MROH7: variants seen among roughly 807,000 people sequenced by gnomAD.
MROH7 encodes the protein maestro heat-like repeat-containing protein family member 7.
In MROH7, 113 loss-of-function variants were observed where a neutral mutation model predicts 129.2. The ratio of observed to expected loss-of-function variants is 0.87; its 90% CI spans 0.75 to 1.02. The LOEUF is 1.02. Among genes scored for constraint, MROH7 ranks in the 50% least tolerant of loss-of-function variants. The pLI, the probability that MROH7 is intolerant of heterozygous loss-of-function variation, is 0.00. For missense variants in MROH7, 1,601 were observed against 1,671.3 expected (o/e 0.96, Z 0.73); for synonymous variants, 655 against 667.9 (o/e 0.98, Z 0.30).
rs1035620835 is a variant in MROH7, at chr1:54,654,003, T to G, written c.1077T>G (p.Asp359Glu). 1.2e-6 allele frequency: 2 copies of G among 1,614,230 alleles called. No individual in the cohort carries two copies. Among genetic ancestry groups the G allele is most frequent in the East Asian group, 4.5e-5 (2 of 44,876 alleles). ...STLTLSSQQDDAKDNSIHTVP... is the reference protein window; with the variant it reads ...STLTLSSQQDEAKDNSIHTVP... ...TGACGCTGAGCAGTCAGCAGGATGA[T>G]GCCAAGGACAACAGCATCCACACTG... The change falls in exon 3 of 24, where the codon GAT becomes GAG. Residue 359 changes from aspartate to glutamate, a missense_variant. By Grantham distance (45) the Asp-to-Glu change is conservative (BLOSUM62 2). Coordinates refer to ENST00000421030, the MANE Select transcript of MROH7 (RefSeq NM_001039464.4).
intron 6 of MROH7, 39 bp downstream of exon 6, chr1:54,670,615 C>A: frequency 6.3e-7 from 1 of 1,576,390 alleles, no homozygotes; most frequent in African/African-American, 1.4e-5. Flanking sequence ...AGCCCCTCTC[C>A]TCTCTTCCTC....
At chr1:54,682,276 T>G (rs190314913) in intron 13 of MROH7, among the ~76,000 whole-genome samples, 5 of 151,870 alleles carry the variant, frequency 3.3e-5, no homozygotes, top group African/African-American at 1.2e-4. Context: ...GCGATTCTCC[T>G]GCCTCAGCCT....
At chr1:54,650,932 C>T (rs1644545018) in intron 1 of MROH7, among the ~76,000 whole-genome samples, 1 of 152,094 alleles carries the variant, frequency 6.6e-6, no homozygotes, top group African/African-American at 2.4e-5. Flanking sequence ...ATTATGTTGT[C>T]CAGGCTGGTC....
At position 54,706,520 on chromosome 1, in the gene MROH7, G is replaced by T; in HGVS notation, c.3650G>T (p.Cys1217Phe). The T allele has an allele frequency of 6.2e-7, 1 of 1,613,008 alleles. No homozygotes were observed. The highest frequency in any genetic ancestry group is 8.5e-7 in the Non-Finnish European group (1 of 1,179,580). ...AACTCACGGGCCTCCCTCCGGAAGT[G>T]CTCAGTCATGTTCATAGGTAACCTG... ...AKNSRASLRK[C>F]SVMFIGSLVP... Residue 1217 changes from cysteine to phenylalanine, a missense_variant, in exon 22 of 24, where the codon TGC becomes TTC. Cys to Phe is a radical substitution (Grantham distance 205, BLOSUM62 -2). Coordinates refer to ENST00000421030, the MANE Select transcript of MROH7 (RefSeq NM_001039464.4).
At chr1:54,691,129 G>A (rs897173247) in intron 15 of MROH7, among the ~76,000 whole-genome samples, 2 of 152,204 alleles carry the variant, frequency 1.3e-5, no homozygotes, top group Non-Finnish European at 2.9e-5. Context: ...ACAACACTCT[G>A]AGCCTGCCTG....
chr1:54,697,691 G>A lies in MROH7; in HGVS notation c.2964+2201G>A, dbSNP rs951410496. 4 of 703,194 alleles carry A rather than the reference G, an allele frequency of 5.7e-6. No individual in the cohort carries two copies. In the Admixed American group the frequency reaches 8.0e-5, roughly 14 times the overall value. 43.6% of individuals were successfully genotyped at this position (703,194 alleles called of 1,614,324 possible). On this transcript the variant is annotated intron_variant, in intron 17 of 23. Coordinates refer to ENST00000421030, the MANE Select transcript of MROH7 (RefSeq NM_001039464.4). The stretch of plus-strand genomic sequence containing the variant: ...AAGGAATTGTGATACTCATGCTTAG[G>A]TGAGTTAAGGGGAATTTTTTAAGGT...
chr1:54,682,631 A>G, intron 13 of MROH7, 25 bp from the exon 14 acceptor site: 1 of 1,602,500 alleles, frequency 6.2e-7, no homozygotes, highest in Non-Finnish European at 8.5e-7. Flanking sequence ...GCCACCACTA[A>G]TTGCCCACAT....
chr1:54,705,090 AC>A (rs1645511251), intron 21 of MROH7, among the ~76,000 whole-genome samples: 1 of 152,116 alleles, frequency 6.6e-6, no homozygotes, highest in Non-Finnish European at 1.5e-5. Context: ...GAGCCACTGC[AC>A]CCGGCTGAAT....
chr1:54,666,137 A>C (rs1279550737), intron 4 of MROH7, among the ~76,000 whole-genome samples: 1 of 152,266 alleles, frequency 6.6e-6, no homozygotes, highest in Non-Finnish European at 1.5e-5. Flanking sequence ...TGATATGCAC[A>C]GCACCTACCA....
chr1:54,668,366 T>C (rs570828246), intron 4 of MROH7, among the ~76,000 whole-genome samples: 8 of 152,370 alleles, frequency 5.3e-5, no homozygotes, highest in Non-Finnish European at 1.2e-4. Flanking sequence ...CTTTACTATA[T>C]GAAATTAGTT....
At chr1:54,700,186 A>G (rs1387316108) in intron 17 of MROH7, 135 bp from the exon 18 acceptor site, 8 of 1,106,176 alleles carry the variant, frequency 7.2e-6, no homozygotes, top group East Asian at 5.1e-5. Flanking sequence ...ACTTCCAGCA[A>G]TCTGTTGGTT....
intron 17 of MROH7, chr1:54,697,525 G>A (rs1645342802): frequency 1.7e-6 from 1 of 588,804 alleles, no homozygotes; most frequent in Admixed American, 2.4e-5. Flanking sequence ...GCTCCATCCA[G>A]TTCTAACTCC....
At chr1:54,704,500 C>A (rs1051250578) in intron 21 of MROH7, among the ~76,000 whole-genome samples, 5 of 142,052 alleles carry the variant, frequency 3.5e-5, no homozygotes, top group Non-Finnish European at 7.5e-5. Flanking sequence ...GTGAGTGGTG[C>A]GATCTCGGCT....
chr1:54,693,412 G>A (rs748468599), intron 16 of MROH7, among the ~76,000 whole-genome samples: 2 of 152,086 alleles, frequency 1.3e-5, no homozygotes, highest in Admixed American at 6.5e-5. Context: ...ATGGCACCAC[G>A]TACTCCAGCC....
intron 5 of MROH7, among the ~76,000 whole-genome samples, 168 bp from the exon 6 acceptor site, chr1:54,670,329 G>A (rs1042229895): frequency 3.3e-5 from 5 of 152,228 alleles, no homozygotes; most frequent in Non-Finnish European, 7.3e-5. Context: ...ACTTAGCCAA[G>A]TGTGGTGGCA....
intron 15 of MROH7, among the ~76,000 whole-genome samples, chr1:54,686,683 C>G (rs1557717125): frequency 1.3e-5 from 2 of 152,228 alleles, no homozygotes; most frequent in Non-Finnish European, 2.9e-5. Flanking sequence ...AGAATCAGCC[C>G]TCCCCAAGGA....
chr1:54,653,174 C>T lies in MROH7; in HGVS notation c.248C>T (p.Pro83Leu). ...SGLVSENTPR[P>L]DDSRAIAPAS... ...CTGGTGTCTGAAAACACCCCCAGAC[C>T]TGATGACAGCAGAGCTATCGCTCCA... Residue 83 changes from proline (P) to leucine (L), a missense_variant, in exon 3 of 24, where the codon CCT becomes CTT. Transcript: ENST00000421030. 3 of 1,614,208 alleles carry T rather than the reference C, an allele frequency of 1.9e-6. No homozygotes were observed. The highest frequency in any genetic ancestry group is 2.5e-6 in the Non-Finnish European group (3 of 1,180,038).
At chr1:54,704,816 T>TTTTTTTTTTG (rs1645505209) in intron 21 of MROH7, among the ~76,000 whole-genome samples, 1 of 145,250 alleles carries the variant, frequency 6.9e-6, no homozygotes, top group Admixed American at 6.9e-5. Flanking sequence ...TTTTTTTTTT[T>TTTTTTTTTTG]GAGATGGAGT....
intron 18 of MROH7, 30 bp downstream of exon 18, chr1:54,700,491 C>T (rs377240066): frequency 6.5e-7 from 1 of 1,545,122 alleles, no homozygotes; most frequent in African/African-American, 1.4e-5. Context: ...AAGCCTGGCC[C>T]AGCCAGGCCC....
Sources: allele counts gnomAD v4.1 joint callset (sites outside exome capture counted in the v4.1 genomes callset), GRCh38; gene constraint gnomAD v4.1.1; transcripts MANE v1.5; gene names NCBI Gene and HGNC (gene_info 2026-07-23, HGNC 2026-07-21).